Variants in RARB observed in about 807,000 individuals in gnomAD.
RARB encodes the protein HBV-activated protein.
In RARB, 17 loss-of-function variants were observed where a neutral mutation model predicts 51.9. The ratio of observed to expected loss-of-function variants is 0.33; its 90% CI spans 0.22 to 0.49. The LOEUF is 0.49. Among genes scored for constraint, RARB ranks in the 20% least tolerant of loss-of-function variants. The pLI is 0.99. For synonymous variants in RARB, 215 were observed against 195.4 expected (o/e 1.10, Z -0.84); for missense variants, 369 against 550.8 (o/e 0.67, Z 3.30).
At chr3:25,480,349 T>G (rs1316898923) in intron 2 of RARB, among the ~76,000 whole-genome samples, 1 of 152,226 alleles carries the variant, frequency 6.6e-6, no homozygotes, top group East Asian at 1.9e-4. Context: ...AACAGCTCTA[T>G]AAAGTAGTTG....
intron 5 of RARB, among the ~76,000 whole-genome samples, chr3:25,584,656 G>A (rs1285254078): frequency 6.6e-6 from 1 of 152,152 alleles, no homozygotes; most frequent in African/African-American, 2.4e-5. Flanking sequence ...AGATCCTGGA[G>A]TGGGGCCTGT....
chr3:24,939,567 T>C (rs1021812392), intron 2 of RARB, among the ~76,000 whole-genome samples: 6 of 152,218 alleles, frequency 3.9e-5, no homozygotes, highest in Non-Finnish European at 7.3e-5. Context: ...AATATTCTAG[T>C]CAAAGAGAGT....
chr3:24,960,438 C>T (rs1452606240), intron 2 of RARB, among the ~76,000 whole-genome samples: 1 of 152,146 alleles, frequency 6.6e-6, no homozygotes, highest in Admixed American at 6.5e-5. Context: ...ATGATGAGCT[C>T]CATTCTTTTC....
intron 1 of RARB, among the ~76,000 whole-genome samples, chr3:25,438,620 A>T (rs1708533513): frequency 1.3e-5 from 2 of 152,260 alleles, no homozygotes; most frequent in South Asian, 4.2e-4. Flanking sequence ...AATAACACGG[A>T]TTGTAAGGGG....
chr3:25,171,634 C>T (rs1700647415), intron 4 of RARB, among the ~76,000 whole-genome samples: 4 of 3,236 alleles, frequency 1.2e-3, no homozygotes, highest in Non-Finnish European at 1.6e-3. Context: ...CCAACCAGTC[C>T]CTGGTTGGTA....
At chr3:24,977,255 G>A (rs529070486) in intron 2 of RARB, among the ~76,000 whole-genome samples, 2 of 152,016 alleles carry the variant, frequency 1.3e-5, no homozygotes, top group South Asian at 2.1e-4. Flanking sequence ...CTCTTTTTTG[G>A]TTTCATATGA....
chr3:25,592,546 G>A (rs1361205084), intron 5 of RARB, among the ~76,000 whole-genome samples: 1 of 152,212 alleles, frequency 6.6e-6, no homozygotes, highest in African/African-American at 2.4e-5. Context: ...GTGGAAACAT[G>A]AACCAGGATT....
chr3:25,014,354 T>G (rs982045500), intron 2 of RARB, among the ~76,000 whole-genome samples: 2 of 152,090 alleles, frequency 1.3e-5, no homozygotes, highest in African/African-American at 2.4e-5. Context: ...CTTTTTCTAC[T>G]TTGAACCACA....
chr3:25,388,874 T>C (rs563424469), intron 5 of RARB, among the ~76,000 whole-genome samples: 2 of 152,324 alleles, frequency 1.3e-5, no homozygotes, highest in South Asian at 4.1e-4. Context: ...AGAAACTGTT[T>C]TGAATGTTAC....
At chr3:25,258,620 G>A (rs938838874) in intron 5 of RARB, among the ~76,000 whole-genome samples, 2 of 152,070 alleles carry the variant, frequency 1.3e-5, no homozygotes, top group African/African-American at 2.4e-5. Context: ...TTCTGTTGCT[G>A]TAATAAAATA....
At chr3:25,180,808 T>TC (rs1438644325) in intron 5 of RARB, among the ~76,000 whole-genome samples, 1 of 152,172 alleles carries the variant, frequency 6.6e-6, no homozygotes, top group African/African-American at 2.4e-5. Flanking sequence ...AAAGAATGAA[T>TC]CTAATTAGTC....
At chr3:24,866,868 T>A (rs1702858266) in intron 2 of RARB, among the ~76,000 whole-genome samples, 1 of 152,070 alleles carries the variant, frequency 6.6e-6, no homozygotes. Context: ...AGCTAGGGTT[T>A]TTCAAGGATA....
At chr3:25,044,218 A>T (rs912067310) in intron 2 of RARB, among the ~76,000 whole-genome samples, 1 of 152,200 alleles carries the variant, frequency 6.6e-6, no homozygotes, top group Non-Finnish European at 1.5e-5. Context: ...TCTCACCTTC[A>T]AGGACTAATG....
At chr3:25,133,468 A>C (rs1699984030) in intron 4 of RARB, among the ~76,000 whole-genome samples, 1 of 152,012 alleles carries the variant, frequency 6.6e-6, no homozygotes, top group South Asian at 2.1e-4. Flanking sequence ...AACTGTAAGC[A>C]CAAATATTAA....
intron 2 of RARB, among the ~76,000 whole-genome samples, chr3:24,946,871 T>C (rs560875823): frequency 2.6e-5 from 4 of 152,162 alleles, no homozygotes; most frequent in African/African-American, 7.2e-5. Context: ...TCAATCATAA[T>C]AGTAATAATA....
intron 2 of RARB, among the ~76,000 whole-genome samples, chr3:24,909,913 T>A (rs6807549): frequency 1.3e-5 from 2 of 151,992 alleles, no homozygotes; most frequent in Non-Finnish European, 2.9e-5. Flanking sequence ...GTGTTTGTAT[T>A]TATTCTCCAC....
At chr3:25,051,160 G>A (rs1698324997) in intron 2 of RARB, among the ~76,000 whole-genome samples, 1 of 152,198 alleles carries the variant, frequency 6.6e-6, no homozygotes. Context: ...AAGTGAAAAT[G>A]TCTGATTATC....
intron 5 of RARB, among the ~76,000 whole-genome samples, chr3:25,208,979 A>G (rs1053747322): frequency 2.0e-5 from 3 of 152,230 alleles, no homozygotes; most frequent in African/African-American, 7.2e-5. Flanking sequence ...GTCTAGGCTA[A>G]TGTTTGCAAA....
At chr3:25,401,671 G>C (rs910956275) in intron 5 of RARB, among the ~76,000 whole-genome samples, 4 of 152,230 alleles carry the variant, frequency 2.6e-5, no homozygotes, top group Non-Finnish European at 5.9e-5. Context: ...CAGAAGAACG[G>C]ATTAGTGAAC....
Sources: allele counts gnomAD v4.1 joint callset (sites outside exome capture counted in the v4.1 genomes callset), GRCh38; gene constraint gnomAD v4.1.1; transcripts MANE v1.5; gene names NCBI Gene and HGNC (gene_info 2026-07-23, HGNC 2026-07-21).